ZNRF1: variants seen among roughly 807,000 people sequenced by gnomAD.
ZNRF1 encodes E3 ubiquitin-protein ligase ZNRF1.
ZNRF1 carries 3 observed loss-of-function variants against 18.4 expected under a neutral mutation model. The ratio of observed to expected loss-of-function variants is 0.16; its 90% CI spans 0.07 to 0.42. The LOEUF (loss-of-function observed/expected upper bound fraction) is 0.42. Among genes scored for constraint, ZNRF1 ranks in the 10% least tolerant of loss-of-function variants. The pLI is 0.99. For synonymous variants in ZNRF1, 157 were observed against 144.2 expected, an observed-to-expected ratio of 1.09 and a Z score of -0.64; for missense variants, 310 against 329.8, an observed-to-expected ratio of 0.94 and a Z score of 0.47.
In ZNRF1 at chr16:75,093,608, C is replaced by G; in HGVS notation, c.461C>G (p.Ser154Cys). Residue 154 changes from serine (S) to cysteine (C), a missense_variant, in exon 2 of 5, where the codon TCT becomes TGT. Ser to Cys is a moderately radical substitution (Grantham distance 112). This residue lies in a region of ZNRF1 where 293 missense variants were observed against 291.2 expected (regional missense o/e 1.01). Coordinates refer to ENST00000335325, the MANE Select transcript of ZNRF1 (RefSeq NM_032268.5). Reference sequence around the variant, plus strand: ...CCCATTTGCTCCAAGTCTGTGGCTTCTGACGAGATGGAAATGCACTTTATA... The same window carrying G: ...CCCATTTGCTCCAAGTCTGTGGCTTGTGACGAGATGGAAATGCACTTTATA... ...KCPICSKSVASDEMEMHFIMC... is the reference protein window; with the variant it reads ...KCPICSKSVACDEMEMHFIMC... The G allele has an allele frequency of 6.2e-7, 1 of 1,614,130 alleles. No individual in the cohort carries two copies. Among genetic ancestry groups the G allele is most frequent in the Non-Finnish European group, 8.5e-7 (1 of 1,179,954 alleles).
chr16:75,077,567 G>A (rs1371784021), intron 1 of ZNRF1, among the ~76,000 whole-genome samples: 2 of 152,150 alleles, frequency 1.3e-5, no homozygotes, highest in Non-Finnish European at 2.9e-5. Flanking sequence ...TTTTTTAGAA[G>A]AACAGCCATT....
intron 1 of ZNRF1, among the ~76,000 whole-genome samples, chr16:75,067,191 G>A (rs1312180048): frequency 2.0e-5 from 3 of 152,190 alleles, no homozygotes; most frequent in Admixed American, 2.0e-4. Context: ...ACTGCACTAA[G>A]TATAGGTTGA....
chr16:75,065,159 AG>A (rs2035787083), intron 1 of ZNRF1, among the ~76,000 whole-genome samples: 1 of 152,246 alleles, frequency 6.6e-6, no homozygotes, highest in Admixed American at 6.5e-5. Flanking sequence ...AAGTGATAGC[AG>A]GCAGCCAGAG....
Position 75,051,833 on chromosome 16 carries a change from T to C in ZNRF1, c.425-41739T>C, listed in dbSNP as rs915644287. Among the ~76,000 whole-genome samples, 7 of 152,222 alleles carry C rather than the reference T, an allele frequency of 4.6e-5. No individual in the cohort carries two copies. The East Asian group carries it at 5.8e-4, about 13-fold the overall frequency. On this transcript the variant is annotated intron_variant, in intron 1 of 4. Coordinates refer to ENST00000335325, the MANE Select transcript of ZNRF1 (RefSeq NM_032268.5). ...ACACAGCCCATCTTTTTTTAAACTATGTTTGTTTAATCATCACAAATCTAT... is the reference window on the plus strand; with the variant it reads ...ACACAGCCCATCTTTTTTTAAACTACGTTTGTTTAATCATCACAAATCTAT...
intron 1 of ZNRF1, among the ~76,000 whole-genome samples, chr16:75,023,929 G>A (rs2035188211): frequency 1.3e-5 from 2 of 150,122 alleles, no homozygotes; most frequent in South Asian, 4.2e-4. Context: ...GGAGTGCAGT[G>A]GTGTGATCTC....
At chr16:75,024,017 C>T (rs991220158) in intron 1 of ZNRF1, among the ~76,000 whole-genome samples, 5 of 151,766 alleles carry the variant, frequency 3.3e-5, no homozygotes, top group Non-Finnish European at 5.9e-5. Flanking sequence ...ACTACAGGTG[C>T]GTGCCACCAC....
At chr16:75,101,839 T>C (rs2036258482) in intron 2 of ZNRF1, among the ~76,000 whole-genome samples, 1 of 152,240 alleles carries the variant, frequency 6.6e-6, no homozygotes, top group Non-Finnish European at 1.5e-5. Flanking sequence ...CATTTGAATA[T>C]GTATGGTAGC....
chr16:75,066,318 A>G (rs1430362886), intron 1 of ZNRF1, among the ~76,000 whole-genome samples: 1 of 152,232 alleles, frequency 6.6e-6, no homozygotes, highest in South Asian at 2.1e-4. Flanking sequence ...GACTGGTTCA[A>G]CATCAGAGAC....
At chr16:75,001,772 T>G (rs2034852558) in intron 1 of ZNRF1, among the ~76,000 whole-genome samples, 1 of 152,210 alleles carries the variant, frequency 6.6e-6, no homozygotes, top group African/African-American at 2.4e-5. Flanking sequence ...TAAAATTTCT[T>G]AAGCCTCTTA....
intron 1 of ZNRF1, among the ~76,000 whole-genome samples, chr16:75,038,618 T>C (rs1322695206): frequency 6.6e-6 from 1 of 152,188 alleles, no homozygotes; most frequent in Non-Finnish European, 1.5e-5. Flanking sequence ...AGAAACATAA[T>C]TTACCACAGA....
At chr16:75,064,367 C>T (rs1331616052) in intron 1 of ZNRF1, among the ~76,000 whole-genome samples, 1 of 151,448 alleles carries the variant, frequency 6.6e-6, no homozygotes. Context: ...ACCAGCCTGG[C>T]CAACATGGTG....
At chr16:75,076,896 C>G (rs8063155) in intron 1 of ZNRF1, among the ~76,000 whole-genome samples, 12,956 of 151,866 alleles carry the variant, frequency 0.085, 662 homozygotes, top group Admixed American at 0.13. Flanking sequence ...TGGACCTTTG[C>G]AAATCAGGGA....
intron 1 of ZNRF1, among the ~76,000 whole-genome samples, chr16:75,057,764 T>TA (rs2035686286): frequency 6.6e-6 from 1 of 152,086 alleles, no homozygotes; most frequent in African/African-American, 2.4e-5. Context: ...GCCTCCTGAG[T>TA]AGAGTAGCTG....
chr16:75,014,093 A>G (rs1339805123), intron 1 of ZNRF1, among the ~76,000 whole-genome samples: 3 of 152,204 alleles, frequency 2.0e-5, no homozygotes, highest in African/African-American at 4.8e-5. Context: ...ATCTTCCCAA[A>G]GTGCTGGGAT....
At chr16:75,028,368 A>C (rs1185941977) in intron 1 of ZNRF1, among the ~76,000 whole-genome samples, 4 of 152,186 alleles carry the variant, frequency 2.6e-5, no homozygotes, top group African/African-American at 9.7e-5. Flanking sequence ...ATGTCGGCTC[A>C]CTGCAACCTC....
At chr16:75,004,205 G>A (rs1250243159) in intron 1 of ZNRF1, among the ~76,000 whole-genome samples, 1 of 152,118 alleles carries the variant, frequency 6.6e-6, no homozygotes, top group African/African-American at 2.4e-5. Context: ...CTGGTTCTGT[G>A]TCCTAAAGTC....
intron 1 of ZNRF1, among the ~76,000 whole-genome samples, chr16:75,003,008 C>T (rs1428933666): frequency 6.6e-6 from 1 of 152,188 alleles, no homozygotes; most frequent in Non-Finnish European, 1.5e-5. Context: ...GGCTGGAGTG[C>T]AGTGGTGCGA....
chr16:75,026,483 A>G (rs1186525881), intron 1 of ZNRF1, among the ~76,000 whole-genome samples: 1 of 152,156 alleles, frequency 6.6e-6, no homozygotes, highest in Non-Finnish European at 1.5e-5. Context: ...CAGATTAGGA[A>G]AAGTACTTGG....
chr16:75,075,840 T>C (rs2035933711), intron 1 of ZNRF1, among the ~76,000 whole-genome samples: 1 of 152,022 alleles, frequency 6.6e-6, no homozygotes. Context: ...GTGGAAAGGA[T>C]GGTTTTAGAG....
Sources: allele counts gnomAD v4.1 joint callset (sites outside exome capture counted in the v4.1 genomes callset), GRCh38; gene constraint gnomAD v4.1.1; regional missense constraint gnomAD v4.1.1; transcripts MANE v1.5; gene names NCBI Gene and HGNC (gene_info 2026-07-23, HGNC 2026-07-21).